The following ATRNL1 variants were observed in gnomAD, a reference collection of about 807,000 sequenced individuals.
The protein encoded by ATRNL1 is attractin like 1.
ATRNL1 carries 95 observed loss-of-function variants against 182.7 expected under a neutral mutation model. The ratio of observed to expected loss-of-function variants is 0.52; its 90% confidence interval spans 0.44 to 0.62. The LOEUF (loss-of-function observed/expected upper bound fraction) is 0.62. Ranked by LOEUF, ATRNL1 falls within the 20% of genes least tolerant of loss-of-function variation. The pLI, the probability that ATRNL1 is intolerant of heterozygous loss-of-function variation, is 0.00. For missense variants in ATRNL1, 1,471 were observed against 1,679.5 expected (o/e 0.88, Z 2.17); for synonymous variants, 576 against 568.3 (o/e 1.01, Z -0.19).
chr10:115,336,530 A>G (rs911227690), intron 19 of ATRNL1, among the ~76,000 whole-genome samples: 1 of 152,200 alleles, frequency 6.6e-6, no homozygotes, highest in African/African-American at 2.4e-5. Flanking sequence ...TTGATTGCAT[A>G]ATTTGAAGAA....
At chr10:115,420,762 G>A (rs1377396193) in intron 20 of ATRNL1, among the ~76,000 whole-genome samples, 1 of 152,092 alleles carries the variant, frequency 6.6e-6, no homozygotes, top group African/African-American at 2.4e-5. Flanking sequence ...AGAAAATGAA[G>A]AGTTGGTTTT....
At chr10:115,279,969 A>C (rs896399416) in intron 13 of ATRNL1, among the ~76,000 whole-genome samples, 5 of 152,198 alleles carry the variant, frequency 3.3e-5, no homozygotes. Flanking sequence ...CACAGTAGAG[A>C]AGCACTAGTA....
intron 20 of ATRNL1, among the ~76,000 whole-genome samples, chr10:115,396,649 T>G (rs116439525): frequency 0.012 from 1,882 of 152,010 alleles, 35 homozygotes; most frequent in African/African-American, 0.042. Flanking sequence ...AGTGGCAGTA[T>G]TACAGATAAA....
intron 28 of ATRNL1, among the ~76,000 whole-genome samples, chr10:115,913,000 A>G (rs535197983): frequency 8.5e-5 from 13 of 152,264 alleles, no homozygotes; most frequent in African/African-American, 3.1e-4. Flanking sequence ...TAGCAGACAA[A>G]TTGTGAGATA....
At chr10:115,217,200 T>C (rs1849268092) in intron 9 of ATRNL1, among the ~76,000 whole-genome samples, 1 of 152,186 alleles carries the variant, frequency 6.6e-6, no homozygotes, top group Non-Finnish European at 1.5e-5. Context: ...GCGATTCTCC[T>C]GCCTCAGCAT....
At chr10:115,654,199 G>A (rs1555035108) in intron 26 of ATRNL1, among the ~76,000 whole-genome samples, 1 of 151,874 alleles carries the variant, frequency 6.6e-6, no homozygotes, top group Non-Finnish European at 1.5e-5. Flanking sequence ...AGACAGAATG[G>A]AAATCTGTGA....
chr10:115,794,598 G>C (rs1225307269), intron 27 of ATRNL1, among the ~76,000 whole-genome samples: 1 of 151,978 alleles, frequency 6.6e-6, no homozygotes, highest in Admixed American at 6.6e-5. Context: ...ATTTGGATTT[G>C]TTCAGTGTTT....
intron 26 of ATRNL1, among the ~76,000 whole-genome samples, chr10:115,633,291 T>C (rs1555027010): frequency 6.6e-6 from 1 of 152,194 alleles, no homozygotes; most frequent in Non-Finnish European, 1.5e-5. Context: ...GATAACCACT[T>C]CTATCTTGAA....
At chr10:115,867,550 T>C (rs1555105000) in intron 28 of ATRNL1, among the ~76,000 whole-genome samples, 2 of 152,150 alleles carry the variant, frequency 1.3e-5, no homozygotes, top group African/African-American at 4.8e-5. Flanking sequence ...CTCTTCCAAG[T>C]TCAGTGTCAT....
chr10:115,263,995 T>G (rs1160738364), intron 10 of ATRNL1, among the ~76,000 whole-genome samples: 1 of 151,762 alleles, frequency 6.6e-6, no homozygotes, highest in Non-Finnish European at 1.5e-5. Flanking sequence ...ATACACTTTT[T>G]CGGGGGAGAT....
At chr10:115,710,543 A>T (rs1593104538) in intron 26 of ATRNL1, among the ~76,000 whole-genome samples, 1 of 152,288 alleles carries the variant, frequency 6.6e-6, no homozygotes, top group South Asian at 2.1e-4. Context: ...TGAAGATGTG[A>T]TCCATTCTTG....
Position 115,269,296 on chromosome 10 carries a change from T to A in ATRNL1, c.2100+852T>A, listed in dbSNP as rs368977001. Among the ~76,000 whole-genome samples the A allele has an allele frequency of 7.2e-5, 11 of 152,050 alleles. No homozygotes were observed. The East Asian group carries it at 1.9e-3, about 27-fold the overall frequency. ...GATATCAACAAATTGAAGGGAAAAATTTTAAAAAGTAGTATTTAGTAGAAT... is the reference window on the plus strand; with the variant it reads ...GATATCAACAAATTGAAGGGAAAAAATTTAAAAAGTAGTATTTAGTAGAAT... On this transcript the variant is annotated intron_variant, in intron 13 of 28. Transcript: ENST00000355044.
intron 25 of ATRNL1, among the ~76,000 whole-genome samples, chr10:115,528,520 C>CT (rs1213337204): frequency 2.1e-4 from 31 of 149,088 alleles, no homozygotes; most frequent in East Asian, 1.4e-3. Flanking sequence ...TTTCTCTTTT[C>CT]TTTTTTTTTG....
chr10:115,433,810 G>T (rs544848994), intron 21 of ATRNL1, among the ~76,000 whole-genome samples: 2 of 152,078 alleles, frequency 1.3e-5, no homozygotes, highest in Non-Finnish European at 2.9e-5. Context: ...CAATAAAAGT[G>T]TTACATTATT....
chr10:115,281,523 T>G, intron 14 of ATRNL1, 36 bp downstream of exon 14: 1 of 1,596,664 alleles, frequency 6.3e-7, no homozygotes, highest in Non-Finnish European at 8.5e-7. Flanking sequence ...GAGTTTATGG[T>G]CTACAGATAA....
chr10:115,580,695 T>A (rs903841141), intron 26 of ATRNL1, among the ~76,000 whole-genome samples: 62 of 151,862 alleles, frequency 4.1e-4, no homozygotes, highest in Admixed American at 1.8e-3. Context: ...TTTTTCTTTT[T>A]TTTCTCTTTC....
intron 3 of ATRNL1, among the ~76,000 whole-genome samples, chr10:115,124,090 C>T (rs1844859145): frequency 6.6e-6 from 1 of 151,760 alleles, no homozygotes; most frequent in African/African-American, 2.4e-5. Context: ...TTGAATCATC[C>T]CAAAATCATC....
chr10:115,111,077 C>T (rs1427942158), intron 1 of ATRNL1, among the ~76,000 whole-genome samples: 1 of 152,108 alleles, frequency 6.6e-6, no homozygotes, highest in East Asian at 1.9e-4. Flanking sequence ...TTACAGATAG[C>T]ATAAAGTTAT....
At chr10:115,104,247 AG>A in intron 1 of ATRNL1, among the ~76,000 whole-genome samples, 2 of 152,322 alleles carry the variant, frequency 1.3e-5, no homozygotes, top group Middle Eastern at 6.8e-3. Context: ...AACTGGAGTG[AG>A]ATAATATCAC....
Sources: allele counts gnomAD v4.1 joint callset (sites outside exome capture counted in the v4.1 genomes callset), GRCh38; gene constraint gnomAD v4.1.1; transcripts MANE v1.5; gene names NCBI Gene and HGNC (gene_info 2026-07-23, HGNC 2026-07-21).